Variants in MACROD2 observed in about 807,000 individuals in gnomAD.
MACROD2 encodes mono-ADP ribosylhydrolase 2, also known as ADP-ribose glycohydrolase MACROD2.
MACROD2 carries 36 observed loss-of-function variants against 70.4 expected under a neutral mutation model. The observed-to-expected ratio is 0.51, with a 90% CI of 0.39 to 0.68. The LOEUF (loss-of-function observed/expected upper bound fraction) is 0.68, where lower values mean the gene tolerates loss of function less well. Ranked by LOEUF, MACROD2 falls within the 30% of genes least tolerant of loss-of-function variation. MACROD2 has a pLI of 0.00. For synonymous variants in MACROD2, 172 were observed against 178.8 expected (o/e 0.96, Z 0.30); for missense variants, 496 against 538.4 (o/e 0.92, Z 0.78).
intron 8 of MACROD2, among the ~76,000 whole-genome samples, chr20:15,679,926 T>C (rs1568970909): frequency 6.6e-6 from 1 of 152,228 alleles, no homozygotes. Context: ...GACAATTTAT[T>C]AAGCAGATAT....
intron 6 of MACROD2, among the ~76,000 whole-genome samples, chr20:15,255,372 TCAGTCTCC>T (rs1383614221): frequency 6.6e-6 from 1 of 152,116 alleles, no homozygotes; most frequent in East Asian, 1.9e-4. Flanking sequence ...ATTTGAATTG[TCAGTCTCC>T]CACAAGACCA....
At chr20:15,444,603 C>G (rs530235441) in intron 7 of MACROD2, among the ~76,000 whole-genome samples, 2 of 152,162 alleles carry the variant, frequency 1.3e-5, no homozygotes, top group East Asian at 3.9e-4. Context: ...CCTCAGAGTT[C>G]TCTTAGAGTA....
chr20:15,631,840 G>A (rs1270249343), intron 8 of MACROD2, among the ~76,000 whole-genome samples: 1 of 152,146 alleles, frequency 6.6e-6, no homozygotes, highest in Non-Finnish European at 1.5e-5. Flanking sequence ...TGGACATGGG[G>A]ATTTTGAAAA....
At chr20:15,124,290 A>G (rs1377554970) in intron 5 of MACROD2, among the ~76,000 whole-genome samples, 1 of 151,680 alleles carries the variant, frequency 6.6e-6, no homozygotes, top group Admixed American at 6.6e-5. Context: ...GTAAGTCACT[A>G]CCAGATATGT....
intron 5 of MACROD2, among the ~76,000 whole-genome samples, chr20:14,923,447 C>T (rs899996230): frequency 6.6e-6 from 1 of 152,056 alleles, no homozygotes; most frequent in African/African-American, 2.4e-5. Flanking sequence ...TAATTTATCA[C>T]AACACTTACT....
chr20:14,889,426 G>A (rs559985110), intron 5 of MACROD2, among the ~76,000 whole-genome samples: 13 of 152,166 alleles, frequency 8.5e-5, no homozygotes, highest in Admixed American at 6.5e-4. Context: ...GAGAAAAAAA[G>A]GAGAGCAAAC....
intron 3 of MACROD2, among the ~76,000 whole-genome samples, chr20:14,298,037 G>C (rs1005992727): frequency 6.6e-6 from 1 of 151,998 alleles, no homozygotes; most frequent in East Asian, 1.9e-4. Context: ...AAGCCTGGAT[G>C]ATAGCACATC....
rs560969537 is a variant in MACROD2, at chr20:15,314,657, G to A, written c.540+84596G>A. Among the ~76,000 whole-genome samples the A allele has an allele frequency of 1.1e-4, 17 of 152,202 alleles. No individual in the cohort carries two copies. The East Asian group carries it at 3.3e-3, about 29-fold the overall frequency. ...GTTTGTCTTTATTTTGCCTAAACTT[G>A]AACTCATTCAGGGTGAAAAAGCAGT... is the stretch of plus-strand genomic sequence containing the variant. On this transcript the variant is annotated intron_variant, in intron 6 of 17. Transcript: ENST00000684519.
intron 7 of MACROD2, among the ~76,000 whole-genome samples, chr20:15,479,349 T>G (rs2047064903): frequency 7.1e-6 from 1 of 140,344 alleles, no homozygotes; most frequent in Non-Finnish European, 1.5e-5. Context: ...CTCGGCTCAC[T>G]GCAAGCTCCG....
chr20:15,573,383 A>T (rs906116421), intron 8 of MACROD2, among the ~76,000 whole-genome samples: 3 of 152,168 alleles, frequency 2.0e-5, no homozygotes, highest in African/African-American at 7.2e-5. Flanking sequence ...TCAGCTTTTT[A>T]TAGGAGTACG....
At chr20:14,656,588 G>C (rs998564148) in intron 4 of MACROD2, among the ~76,000 whole-genome samples, 2 of 152,154 alleles carry the variant, frequency 1.3e-5, no homozygotes, top group African/African-American at 4.8e-5. Context: ...CATGCTTGTG[G>C]AGAAAACACT....
intron 10 of MACROD2, among the ~76,000 whole-genome samples, chr20:15,901,070 T>C (rs1292138079): frequency 2.6e-5 from 4 of 152,178 alleles, no homozygotes; most frequent in African/African-American, 7.2e-5. Context: ...GTGAACAAAA[T>C]ACTTTTGCAA....
intron 8 of MACROD2, among the ~76,000 whole-genome samples, chr20:15,510,722 A>G (rs559369451): frequency 1.3e-5 from 2 of 152,290 alleles, no homozygotes; most frequent in Admixed American, 6.5e-5. Flanking sequence ...TCATGGCTCA[A>G]TGGAAAACAT....
At chr20:14,068,933 A>G (rs2053804191) in intron 2 of MACROD2, among the ~76,000 whole-genome samples, 1 of 152,038 alleles carries the variant, frequency 6.6e-6, no homozygotes. Flanking sequence ...GTTGCTTTTA[A>G]ATGGCTTTTT....
intron 5 of MACROD2, among the ~76,000 whole-genome samples, chr20:15,030,751 AAAG>A (rs1161574568): frequency 1.3e-5 from 2 of 152,342 alleles, no homozygotes; most frequent in East Asian, 1.9e-4. Flanking sequence ...AAAGTGACAA[AAAG>A]AAGATTACAG....
chr20:15,267,122 C>A (rs7354024), intron 6 of MACROD2, among the ~76,000 whole-genome samples: 1 of 152,188 alleles, frequency 6.6e-6, no homozygotes, highest in Non-Finnish European at 1.5e-5. Context: ...CCTCTACGTC[C>A]TTCACGATCC....
At chr20:15,602,786 A>G (rs1376026697) in intron 8 of MACROD2, among the ~76,000 whole-genome samples, 2 of 152,230 alleles carry the variant, frequency 1.3e-5, no homozygotes, top group Non-Finnish European at 2.9e-5. Context: ...AGACATATGC[A>G]TAAGATATTT....
At chr20:15,560,606 A>T (rs1209500466) in intron 8 of MACROD2, among the ~76,000 whole-genome samples, 3 of 151,782 alleles carry the variant, frequency 2.0e-5, no homozygotes, top group African/African-American at 7.3e-5. Flanking sequence ...TCCACTAAAA[A>T]TACAAAATTA....
At chr20:15,107,780 T>C (rs1409427235) in intron 5 of MACROD2, among the ~76,000 whole-genome samples, 11 of 151,998 alleles carry the variant, frequency 7.2e-5, no homozygotes, top group Non-Finnish European at 1.6e-4. Flanking sequence ...CCTGTGTTTG[T>C]TGTTGTTGTT....
Sources: allele counts gnomAD v4.1 joint callset (sites outside exome capture counted in the v4.1 genomes callset), GRCh38; gene constraint gnomAD v4.1.1; transcripts MANE v1.5; gene names NCBI Gene and HGNC (gene_info 2026-07-23, HGNC 2026-07-21).